The following AGBL4 variants were observed in gnomAD, a reference collection of about 807,000 sequenced individuals.
The protein encoded by AGBL4 is cytosolic carboxypeptidase 6.
AGBL4 carries 58 observed loss-of-function variants against 66.4 expected under a neutral mutation model. The observed-to-expected ratio is 0.87, with a 90% CI of 0.71 to 1.09. The LOEUF (loss-of-function observed/expected upper bound fraction) is 1.09, where lower values mean the gene tolerates loss of function less well. Among genes scored for constraint, AGBL4 ranks in the 50% least tolerant of loss-of-function variants. AGBL4 has a pLI of 0.00. For synonymous variants in AGBL4, 234 were observed against 222.9 expected (o/e 1.05, Z -0.44); for missense variants, 579 against 631.0 (o/e 0.92, Z 0.88).
chr1:48,964,479 A>C (rs1020560043), intron 5 of AGBL4, among the ~76,000 whole-genome samples: 2 of 152,220 alleles, frequency 1.3e-5, no homozygotes, highest in African/African-American at 4.8e-5. Flanking sequence ...ATGGATAGAG[A>C]TATAATGCCA....
intron 6 of AGBL4, among the ~76,000 whole-genome samples, chr1:48,665,071 G>C (rs1245111138): frequency 6.6e-6 from 1 of 152,184 alleles, no homozygotes; most frequent in Non-Finnish European, 1.5e-5. Flanking sequence ...TATTAAACCT[G>C]GTTCTAAAGG....
intron 3 of AGBL4, among the ~76,000 whole-genome samples, chr1:49,484,923 T>C (rs1421888640): frequency 6.6e-6 from 1 of 151,690 alleles, no homozygotes; most frequent in African/African-American, 2.4e-5. Flanking sequence ...TCTTTATAAA[T>C]GTAAAAGAAA....
At chr1:48,774,287 T>C (rs1467676263) in intron 6 of AGBL4, among the ~76,000 whole-genome samples, 1 of 152,180 alleles carries the variant, frequency 6.6e-6, no homozygotes, top group South Asian at 2.1e-4. Context: ...CTCTCTGAAG[T>C]CACTGTAAGC....
At chr1:49,257,906 C>G (rs1198053769) in intron 3 of AGBL4, among the ~76,000 whole-genome samples, 1 of 152,154 alleles carries the variant, frequency 6.6e-6, no homozygotes, top group Non-Finnish European at 1.5e-5. Flanking sequence ...AACTGGGAGG[C>G]ACCCCCCAGT....
intron 1 of AGBL4, among the ~76,000 whole-genome samples, chr1:49,895,044 T>C (rs1414719105): frequency 1.3e-5 from 2 of 152,076 alleles, no homozygotes; most frequent in East Asian, 1.9e-4. Flanking sequence ...ACAATGGAGT[T>C]CCAATATGTC....
chr1:48,799,008 T>C (rs1645752607), intron 6 of AGBL4, among the ~76,000 whole-genome samples: 1 of 152,190 alleles, frequency 6.6e-6, no homozygotes, highest in African/African-American at 2.4e-5. Context: ...GGCTCTTTTT[T>C]GGTTCCATAT....
At chr1:49,161,459 C>A (rs1048626593) in intron 4 of AGBL4, among the ~76,000 whole-genome samples, 4 of 152,200 alleles carry the variant, frequency 2.6e-5, no homozygotes, top group Non-Finnish European at 5.9e-5. Flanking sequence ...CTGCATCAAT[C>A]TCACTGGGAG....
At chr1:49,507,966 C>G (rs759929387) in intron 3 of AGBL4, among the ~76,000 whole-genome samples, 1 of 151,844 alleles carries the variant, frequency 6.6e-6, no homozygotes, top group South Asian at 2.1e-4. Flanking sequence ...ATAGCATTTG[C>G]AATCTCACAT....
intron 1 of AGBL4, among the ~76,000 whole-genome samples, chr1:49,906,741 G>A (rs547174677): frequency 4.0e-5 from 6 of 151,160 alleles, no homozygotes; most frequent in Admixed American, 6.6e-5. Flanking sequence ...GTAAGTAAAC[G>A]TGTAAAGAAA....
intron 6 of AGBL4, among the ~76,000 whole-genome samples, chr1:48,838,766 G>T (rs1646737948): frequency 6.6e-6 from 1 of 152,076 alleles, no homozygotes; most frequent in African/African-American, 2.4e-5. Flanking sequence ...CAGAGTGGGG[G>T]AAAATATTTG....
intron 2 of AGBL4, among the ~76,000 whole-genome samples, chr1:49,793,345 G>A (rs570473271): frequency 2.0e-5 from 3 of 152,004 alleles, no homozygotes; most frequent in African/African-American, 4.8e-5. Flanking sequence ...GATACTAAAC[G>A]GATTTCTAGC....
At chr1:49,698,290 A>G (rs1339392228) in intron 2 of AGBL4, among the ~76,000 whole-genome samples, 2 of 152,166 alleles carry the variant, frequency 1.3e-5, no homozygotes, top group Non-Finnish European at 2.9e-5. Context: ...ATTAATAGAA[A>G]CATGAAAATT....
At chr1:49,625,835 A>G (rs915553305) in intron 3 of AGBL4, among the ~76,000 whole-genome samples, 3 of 152,176 alleles carry the variant, frequency 2.0e-5, no homozygotes, top group Non-Finnish European at 4.4e-5. Context: ...GGGGTAATAT[A>G]CAATTCCATT....
intron 6 of AGBL4, among the ~76,000 whole-genome samples, chr1:48,790,705 A>G (rs985359326): frequency 6.6e-6 from 1 of 152,152 alleles, no homozygotes; most frequent in South Asian, 2.1e-4. Flanking sequence ...TTAAGAGGTG[A>G]TTAGATCATA....
chr1:49,713,357 C>G (rs779545695), intron 2 of AGBL4, among the ~76,000 whole-genome samples: 2 of 151,982 alleles, frequency 1.3e-5, no homozygotes, highest in African/African-American at 2.4e-5. Context: ...TCCACGGCAC[C>G]TTTTCTCATG....
At chr1:49,608,803 G>A (rs1645104282) in intron 3 of AGBL4, among the ~76,000 whole-genome samples, 1 of 152,014 alleles carries the variant, frequency 6.6e-6, no homozygotes, top group Non-Finnish European at 1.5e-5. Context: ...ATAATAGTAA[G>A]CATAACAATA....
intron 3 of AGBL4, among the ~76,000 whole-genome samples, chr1:49,581,118 C>A (rs186644639): frequency 6.6e-6 from 1 of 151,838 alleles, no homozygotes; most frequent in African/African-American, 2.4e-5. Context: ...CTTTCTTCTG[C>A]TTGGTTTGGT....
intron 9 of AGBL4, among the ~76,000 whole-genome samples, chr1:48,592,111 G>T (rs1456205971): frequency 6.6e-6 from 1 of 152,170 alleles, no homozygotes; most frequent in Non-Finnish European, 1.5e-5. Context: ...CCCTTTCTGA[G>T]AATAAGGGAA....
At chr1:49,327,687 A>C (rs1645253337) in intron 3 of AGBL4, among the ~76,000 whole-genome samples, 1 of 152,248 alleles carries the variant, frequency 6.6e-6, no homozygotes, top group African/African-American at 2.4e-5. Context: ...AATTCCATTC[A>C]TAAGGGCGGA....
Sources: allele counts gnomAD v4.1 joint callset (sites outside exome capture counted in the v4.1 genomes callset), GRCh38; gene constraint gnomAD v4.1.1; transcripts MANE v1.5; gene names NCBI Gene and HGNC (gene_info 2026-07-23, HGNC 2026-07-21).